The following SNTG1 variants were observed in gnomAD, a reference collection of about 807,000 sequenced individuals.
SNTG1 encodes gamma-1-syntrophin.
SNTG1 carries 39 observed loss-of-function variants against 74.7 expected under a neutral mutation model. The observed-to-expected ratio is 0.52, with a 90% confidence interval of 0.40 to 0.68. The LOEUF is 0.68. Among genes scored for constraint, SNTG1 ranks in the 30% least tolerant of loss-of-function variants. The pLI, the probability that SNTG1 is intolerant of heterozygous loss-of-function variation, is 0.00. For synonymous variants in SNTG1, 254 were observed against 217.1 expected, an observed-to-expected ratio of 1.17 and a Z score of -1.49; for missense variants, 685 against 609.5, an observed-to-expected ratio of 1.12 and a Z score of -1.30.
intron 1 of SNTG1, among the ~76,000 whole-genome samples, chr8:50,013,128 T>A (rs922072329): frequency 1.3e-5 from 2 of 152,198 alleles, no homozygotes; most frequent in Non-Finnish European, 2.9e-5. Context: ...ATTCAATAAA[T>A]ATTTGTTAAA....
intron 15 of SNTG1, among the ~76,000 whole-genome samples, chr8:50,693,712 A>T (rs2095392519): frequency 6.6e-6 from 1 of 152,200 alleles, no homozygotes; most frequent in Admixed American, 6.5e-5. Flanking sequence ...CATTTAAGCC[A>T]CAAGACAAGT....
At chr8:50,249,258 T>TC (rs1183832621) in intron 2 of SNTG1, among the ~76,000 whole-genome samples, 1 of 151,784 alleles carries the variant, frequency 6.6e-6, no homozygotes, top group East Asian at 1.9e-4. Flanking sequence ...AGGGCAGGAG[T>TC]CCTCATGGCA....
chr8:50,672,880 A>C (rs987131912), intron 15 of SNTG1, among the ~76,000 whole-genome samples: 2 of 152,002 alleles, frequency 1.3e-5, no homozygotes, highest in African/African-American at 4.8e-5. Flanking sequence ...GTAAGGAAGT[A>C]GTCCAGTTTC....
At chr8:50,486,630 A>T (rs1157041566) in intron 8 of SNTG1, among the ~76,000 whole-genome samples, 1 of 145,792 alleles carries the variant, frequency 6.9e-6, no homozygotes, top group Non-Finnish European at 1.5e-5. Flanking sequence ...TTCCTAATTG[A>T]ATACCCTTTA....
At chr8:50,418,921 T>C (rs974528737) in intron 4 of SNTG1, among the ~76,000 whole-genome samples, 4 of 152,182 alleles carry the variant, frequency 2.6e-5, no homozygotes, top group Admixed American at 6.6e-5. Context: ...ATCCAGGATA[T>C]ATCCAGTCTT....
chr8:50,100,700 T>A (rs757194827), intron 1 of SNTG1, among the ~76,000 whole-genome samples: 1 of 152,298 alleles, frequency 6.6e-6, no homozygotes, highest in Non-Finnish European at 1.5e-5. Flanking sequence ...TTTTTCTTCA[T>A]AAACAGTACT....
chr8:50,012,165 A>T (rs763556827), intron 1 of SNTG1, among the ~76,000 whole-genome samples: 8 of 151,958 alleles, frequency 5.3e-5, no homozygotes, highest in Non-Finnish European at 1.0e-4. Context: ...CTTTAAATTT[A>T]AAAAAAATGA....
intron 2 of SNTG1, among the ~76,000 whole-genome samples, chr8:50,392,931 G>A (rs73579292): frequency 0.015 from 2,287 of 152,090 alleles, 59 homozygotes; most frequent in African/African-American, 0.051. Context: ...CTTTTTAGTA[G>A]CAAGAAATTG....
chr8:50,050,926 T>C (rs1819515176), intron 1 of SNTG1, among the ~76,000 whole-genome samples: 1 of 152,040 alleles, frequency 6.6e-6, no homozygotes, highest in Non-Finnish European at 1.5e-5. Flanking sequence ...GCATAAATTA[T>C]AGCTGATGAA....
chr8:50,695,330 C>G (rs1266053753), intron 15 of SNTG1, among the ~76,000 whole-genome samples: 2 of 151,672 alleles, frequency 1.3e-5, no homozygotes, highest in Non-Finnish European at 3.0e-5. Context: ...AAAAATCAAA[C>G]AATACCGTTT....
At chr8:50,405,512 C>A (rs1393132879) in intron 4 of SNTG1, among the ~76,000 whole-genome samples, 1 of 151,902 alleles carries the variant, frequency 6.6e-6, no homozygotes, top group Non-Finnish European at 1.5e-5. Context: ...TTTTTTGGAG[C>A]TTAGTTGCAG....
At chr8:50,663,910 C>T (rs117378916) in intron 15 of SNTG1, among the ~76,000 whole-genome samples, 2,445 of 152,252 alleles carry the variant, frequency 0.016, 40 homozygotes, top group Middle Eastern at 0.037. Context: ...AATACTAAGC[C>T]TCCCATTGGG....
intron 2 of SNTG1, among the ~76,000 whole-genome samples, chr8:50,310,491 C>A (rs2090066740): frequency 6.6e-6 from 1 of 152,084 alleles, no homozygotes. Context: ...AAGTTCAAGA[C>A]CAGTCTGACC....
chr8:50,528,812 T>A (rs1471725745), intron 9 of SNTG1, among the ~76,000 whole-genome samples: 1 of 151,756 alleles, frequency 6.6e-6, no homozygotes, highest in Non-Finnish European at 1.5e-5. Context: ...TAAATTTTTT[T>A]TTTGCTATGG....
intron 17 of SNTG1, among the ~76,000 whole-genome samples, chr8:50,711,034 A>C (rs1222084271): frequency 6.6e-6 from 1 of 152,136 alleles, no homozygotes; most frequent in Non-Finnish European, 1.5e-5. Context: ...TGAAAGTAGG[A>C]GCTATTAATA....
At position 50,021,288 on chromosome 8, in the gene SNTG1, C is replaced by T. The variant is rs1816792479; in HGVS notation, c.-103+109057C>T. Among the ~76,000 whole-genome samples, 5 of 152,092 alleles carry T rather than the reference C, an allele frequency of 3.3e-5. No individual in the cohort carries two copies. The South Asian group carries it at 1.0e-3, about 32-fold the overall frequency. ...TATCTACATTGTCATTGTTTCTCAC[C>T]ACCTTTATTTGAATCCTGTCAATTT... On this transcript the variant is annotated intron_variant, in intron 1 of 18. Coordinates refer to ENST00000642720, the MANE Select transcript of SNTG1 (RefSeq NM_018967.5).
intron 1 of SNTG1, among the ~76,000 whole-genome samples, chr8:49,939,909 C>T (rs1039197310): frequency 7.3e-5 from 11 of 151,666 alleles, no homozygotes; most frequent in African/African-American, 1.7e-4. Flanking sequence ...TACTTAAAAA[C>T]GAAAAATGAG....
intron 4 of SNTG1, among the ~76,000 whole-genome samples, chr8:50,420,657 G>A (rs2093070169): frequency 6.6e-6 from 1 of 152,010 alleles, no homozygotes; most frequent in Non-Finnish European, 1.5e-5. Context: ...TAAGGGTGAT[G>A]GTTCAAGCCA....
intron 1 of SNTG1, among the ~76,000 whole-genome samples, chr8:50,080,697 C>T (rs1346626578): frequency 6.6e-6 from 1 of 152,142 alleles, no homozygotes; most frequent in Non-Finnish European, 1.5e-5. Flanking sequence ...TTTTGGGTTA[C>T]ATGATCTTTG....
Sources: gnomAD v4.1 joint callset for allele counts (sites outside exome capture counted in the v4.1 genomes callset) on GRCh38, gnomAD v4.1.1 for gene constraint, MANE v1.5 for transcripts, NCBI Gene and HGNC (gene_info 2026-07-23, HGNC 2026-07-21) for gene names.